PIP4K2A: variants seen among roughly 807,000 people sequenced by gnomAD.
The protein encoded by PIP4K2A is phosphatidylinositol-5-phosphate 4-kinase type 2 alpha.
In PIP4K2A, 14 loss-of-function variants were observed where a neutral mutation model predicts 42.9. The ratio of observed to expected loss-of-function variants is 0.33; its 90% confidence interval spans 0.22 to 0.51. PIP4K2A has a LOEUF of 0.51. PIP4K2A is among the 20% of genes least tolerant of loss of function. PIP4K2A has a pLI of 0.97. For missense variants in PIP4K2A, 434 were observed against 519.8 expected (o/e 0.83, Z 1.61); for synonymous variants, 192 against 192.2 (o/e 1.00, Z 0.01).
intron 1 of PIP4K2A, among the ~76,000 whole-genome samples, chr10:22,621,307 A>C (rs1335468267): frequency 2.6e-5 from 4 of 152,260 alleles, no homozygotes; most frequent in African/African-American, 9.6e-5. Context: ...TGGATGTCAA[A>C]TAAGAACTTC....
At chr10:22,575,952 A>G (rs757865119) in intron 4 of PIP4K2A, among the ~76,000 whole-genome samples, 10 of 152,012 alleles carry the variant, frequency 6.6e-5, no homozygotes, top group Non-Finnish European at 1.0e-4. Context: ...AAAAAACAAA[A>G]AAGAAAAAAA....
intron 1 of PIP4K2A, among the ~76,000 whole-genome samples, chr10:22,654,810 A>G (rs150390592): frequency 3.3e-5 from 5 of 152,326 alleles, no homozygotes; most frequent in African/African-American, 1.2e-4. Flanking sequence ...GCAGCAAATG[A>G]GATGTGTGCG....
chr10:22,620,394 G>A (rs544630530), intron 1 of PIP4K2A, among the ~76,000 whole-genome samples: 6 of 152,104 alleles, frequency 3.9e-5, no homozygotes, highest in African/African-American at 1.2e-4. Flanking sequence ...CATTCAAAAG[G>A]GCCCCAGGCT....
chr10:22,681,594 G>A (rs1308628367), intron 1 of PIP4K2A, among the ~76,000 whole-genome samples: 1 of 152,128 alleles, frequency 6.6e-6, no homozygotes, highest in Non-Finnish European at 1.5e-5. Flanking sequence ...AGGATGCCTT[G>A]AGCCTGGGGG....
intron 4 of PIP4K2A, among the ~76,000 whole-genome samples, chr10:22,578,958 T>C (rs904502085): frequency 3.9e-5 from 6 of 152,146 alleles, no homozygotes; most frequent in Non-Finnish European, 7.4e-5. Flanking sequence ...GTGTTACAAA[T>C]ATGAAAATTC....
intron 1 of PIP4K2A, among the ~76,000 whole-genome samples, chr10:22,683,059 G>A (rs1428988301): frequency 7.2e-6 from 1 of 138,706 alleles, no homozygotes; most frequent in Non-Finnish European, 1.5e-5. Context: ...AAAAGAAAAA[G>A]AAAAACAACA....
At chr10:22,680,383 T>A (rs745909752) in intron 1 of PIP4K2A, among the ~76,000 whole-genome samples, 1 of 152,216 alleles carries the variant, frequency 6.6e-6, no homozygotes, top group Non-Finnish European at 1.5e-5. Context: ...TTTAGAATTT[T>A]CTATCCTTTT....
At chr10:22,610,476 A>C (rs1165661553) in intron 1 of PIP4K2A, among the ~76,000 whole-genome samples, 2 of 152,256 alleles carry the variant, frequency 1.3e-5, no homozygotes, top group African/African-American at 4.8e-5. Flanking sequence ...AAACCATGTC[A>C]AAGATTTATG....
Position 22,544,047 on chromosome 10 carries a change from G to A in PIP4K2A, c.793-2000C>T, listed in dbSNP as rs552181073. On this transcript the variant is annotated intron_variant, in intron 7 of 9. Coordinates refer to ENST00000376573, the MANE Select transcript of PIP4K2A (RefSeq NM_005028.5). ...TCTCTATCAGCTACCTCTGGAGGCT[G>A]CCTTAAAGCAGCTTTCCCCTCTCCT... is the stretch of plus-strand genomic sequence containing the variant. 6.1e-4 allele frequency among the ~76,000 whole-genome samples: 93 copies of A among 152,300 alleles called. 2 individuals carry two copies. Among genetic ancestry groups the A allele is most frequent in the South Asian group, 5.4e-3 (26 of 4,828 alleles).
intron 6 of PIP4K2A, among the ~76,000 whole-genome samples, chr10:22,560,901 T>G (rs549284032): frequency 6.6e-6 from 1 of 152,306 alleles, no homozygotes; most frequent in East Asian, 1.9e-4. Flanking sequence ...AGAAATCAAG[T>G]GAGTCCAGTT....
chr10:22,631,124 A>AACC (rs1197399604), intron 1 of PIP4K2A, among the ~76,000 whole-genome samples: 12 of 152,208 alleles, frequency 7.9e-5, no homozygotes, highest in Admixed American at 3.3e-4. Flanking sequence ...ATTGATGGTC[A>AACC]ATACAGAGTT....
intron 6 of PIP4K2A, among the ~76,000 whole-genome samples, chr10:22,564,459 A>C (rs552155477): frequency 6.6e-6 from 1 of 152,300 alleles, no homozygotes; most frequent in Non-Finnish European, 1.5e-5. Context: ...GCATCATGTG[A>C]CTCAGGGGCT....
At chr10:22,670,236 A>T (rs1265499320) in intron 1 of PIP4K2A, among the ~76,000 whole-genome samples, 1 of 152,138 alleles carries the variant, frequency 6.6e-6, no homozygotes, top group Non-Finnish European at 1.5e-5. Context: ...AAAATTAGTC[A>T]GGCATGGTGG....
chr10:22,694,063 C>G (rs1216482305), intron 1 of PIP4K2A: 2 of 152,136 alleles, frequency 1.3e-5, no homozygotes, highest in African/African-American at 2.4e-5. Flanking sequence ...CTGGGTGCCA[C>G]AGGGCTGACT....
At chr10:22,567,665 T>G (rs761814097) in intron 6 of PIP4K2A, 186 bp downstream of exon 6, 2 of 753,018 alleles carry the variant, frequency 2.7e-6, no homozygotes, top group Admixed American at 1.9e-5. Flanking sequence ...ATTCAACAAT[T>G]TGATGAAGAG....
At chr10:22,607,016 C>T (rs1417794545) in intron 3 of PIP4K2A, among the ~76,000 whole-genome samples, 1 of 150,266 alleles carries the variant, frequency 6.7e-6, no homozygotes, top group Non-Finnish European at 1.5e-5. Context: ...GAAACAAAGG[C>T]TGTGTTGAGC....
At chr10:22,575,825 C>A (rs1837101922) in intron 4 of PIP4K2A, among the ~76,000 whole-genome samples, 1 of 151,942 alleles carries the variant, frequency 6.6e-6, no homozygotes, top group Non-Finnish European at 1.5e-5. Context: ...GTAATCCCAG[C>A]TACTCGGGAG....
chr10:22,604,021 A>G (rs1837853220), intron 3 of PIP4K2A, among the ~76,000 whole-genome samples: 1 of 152,092 alleles, frequency 6.6e-6, no homozygotes, highest in Non-Finnish European at 1.5e-5. Context: ...ACACACACAC[A>G]CACACACACA....
At chr10:22,684,617 C>T (rs1186607422) in intron 1 of PIP4K2A, among the ~76,000 whole-genome samples, 1 of 152,152 alleles carries the variant, frequency 6.6e-6, no homozygotes, top group Non-Finnish European at 1.5e-5. Flanking sequence ...GAAAACCTGA[C>T]ACACCTTCCA....
Sources: gnomAD v4.1 joint callset for allele counts (sites outside exome capture counted in the v4.1 genomes callset) on GRCh38, gnomAD v4.1.1 for gene constraint, MANE v1.5 for transcripts, NCBI Gene and HGNC (gene_info 2026-07-23, HGNC 2026-07-21) for gene names.